SPDYE4: variants seen among roughly 807,000 people sequenced by gnomAD.
SPDYE4 encodes speedy/RINGO cell cycle regulator family member E4.
SPDYE4 carries 30 observed loss-of-function variants against 37.5 expected under a neutral mutation model. That is an observed-to-expected ratio of 0.80 (90% CI 0.60 to 1.09). The LOEUF (loss-of-function observed/expected upper bound fraction) is 1.09, where lower values mean the gene tolerates loss of function less well. SPDYE4 is among the 50% of genes least tolerant of loss of function. SPDYE4 has a pLI of 0.00. For synonymous variants in SPDYE4, 131 were observed against 120.3 expected, an observed-to-expected ratio of 1.09 and a Z score of -0.58; for missense variants, 300 against 307.9, an observed-to-expected ratio of 0.97 and a Z score of 0.19.
At chr17:8,748,565 G>A (rs1404132978), downstream of SPDYE4, among the ~76,000 whole-genome samples, 1 of 152,184 alleles carries the variant, frequency 6.6e-6, no homozygotes, top group Non-Finnish European at 1.5e-5. Flanking sequence ...CAGTCTATGA[G>A]AATTTGTTAG....
chr17:8,757,568 A>C, intron 1 of SPDYE4, 76 bp from the exon 2 acceptor site: 1 of 1,438,024 alleles, frequency 7.0e-7, no homozygotes, highest in Non-Finnish European at 9.5e-7. Context: ...AGGAACCTCA[A>C]ACTACTCTTC....
At chr17:8,750,537 C>T (rs907112749), downstream of SPDYE4, among the ~76,000 whole-genome samples, 2 of 152,148 alleles carry the variant, frequency 1.3e-5, no homozygotes, top group Non-Finnish European at 2.9e-5. Context: ...GGTGAAACCC[C>T]GTTTCTGCTA....
intron 6 of SPDYE4, 97 bp downstream of exon 6, chr17:8,752,997 T>A: frequency 2.7e-6 from 3 of 1,100,958 alleles, no homozygotes; most frequent in Non-Finnish European, 1.3e-6. Flanking sequence ...GGTGTCGCCA[T>A]GTTGACCAGG....
chr17:8,754,328 T>C (rs1489169976), intron 4 of SPDYE4, among the ~76,000 whole-genome samples: 2 of 152,202 alleles, frequency 1.3e-5, no homozygotes, highest in Non-Finnish European at 2.9e-5. Context: ...CTCATGTCTA[T>C]AATACCAGCA....
chr17:8,755,722 A>T (rs1312617467), intron 3 of SPDYE4, 117 bp from the exon 4 acceptor site: 2 of 1,291,580 alleles, frequency 1.5e-6, no homozygotes, highest in South Asian at 1.3e-5. Flanking sequence ...AAGGAACCTC[A>T]GTGTTGGGTG....
At position 8,753,387 on chromosome 17, in the gene SPDYE4, C is replaced by T. The variant is rs1319957240; in HGVS notation, c.588G>A (p.Lys196=). 8 of 1,594,000 alleles carry T rather than the reference C, an allele frequency of 5.0e-6. No individual in the cohort carries two copies. Among genetic ancestry groups the T allele is most frequent in the Admixed American group, 3.6e-5 (2 of 55,550 alleles). The change falls in exon 5 of 7, where the codon AAG becomes AAA. Residue 196 remains lysine (K), a synonymous_variant. Coordinates refer to ENST00000689094, the MANE Select transcript of SPDYE4 (RefSeq NM_001394956.1). ...TGGAACAGAGGAGCTGGTATCGAAG[C>T]TTATGGAACAAGGGTCGCTGGGAGT... The part of the protein sequence containing the change: ...KNYSQRPLFH[K]LRYQLLCSMR...
chr17:8,753,404 G>T lies in SPDYE4; in HGVS notation c.571C>A (p.Arg191=), dbSNP rs769602268. Residue 191 remains arginine, a synonymous_variant, in exon 5 of 7, where the codon CGA becomes AGA. Transcript: ENST00000689094. ...TATCGAAGCTTATGGAACAAGGGTC[G>T]CTGGGAGTAGTTCTTCCCGTAGAGG... is the stretch of plus-strand genomic sequence containing the variant. ...SFLYGKNYSQ[R]PLFHKLRYQL... 17 of 1,601,380 alleles carry T rather than the reference G, an allele frequency of 1.1e-5. No individual in the cohort carries two copies. In the South Asian group the frequency reaches 1.7e-4, roughly 16 times the overall value.
downstream of SPDYE4, among the ~76,000 whole-genome samples, chr17:8,748,313 A>G (rs530583671): frequency 1.9e-3 from 295 of 152,380 alleles, no homozygotes; most frequent in Admixed American, 4.5e-3. Flanking sequence ...GCTCTCTGCC[A>G]TGTGAGGGAG....
At chr17:8,758,187 CTCAGGTGCT>C in intron 1 of SPDYE4, 78 bp downstream of exon 1, 4 of 1,153,152 alleles carry the variant, frequency 3.5e-6, no homozygotes, top group Non-Finnish European at 4.9e-6. Context: ...ACACACCCTA[CTCAGGTGCT>C]TCAGATTCCC....
downstream of SPDYE4, among the ~76,000 whole-genome samples, chr17:8,749,556 G>A (rs560243787): frequency 3.9e-5 from 6 of 151,976 alleles, no homozygotes; most frequent in East Asian, 7.8e-4. Context: ...TTGAGCCACC[G>A]TGCCAGGCCC....
Position 8,752,159 on chromosome 17 carries a change from C to T in SPDYE4, c.*123G>A, listed in dbSNP as rs1187070179. On this transcript the variant is annotated 3_prime_UTR_variant, in exon 7 of 7. Transcript: ENST00000689094. ...TAGATGATCTGCACAGGAGGCTCCT[C>T]TCTCCCTTCCTGGTGTCTGGCATTA... Among the ~76,000 whole-genome samples, 3 of 152,188 alleles carry T rather than the reference C, an allele frequency of 2.0e-5. No individual in the cohort carries two copies. The highest frequency in any genetic ancestry group is 2.0e-4 in the Admixed American group (3 of 15,272).
At chr17:8,757,890 C>T (rs896278171) in intron 1 of SPDYE4, among the ~76,000 whole-genome samples, 2 of 151,630 alleles carry the variant, frequency 1.3e-5, no homozygotes, top group African/African-American at 4.9e-5. Context: ...TCAAATGATT[C>T]TCCTGCCTCA....
At chr17:8,749,211 G>C (rs751783330), downstream of SPDYE4, among the ~76,000 whole-genome samples, 74 of 150,710 alleles carry the variant, frequency 4.9e-4, no homozygotes, top group Admixed American at 4.6e-4. Context: ...TCCCACCTCA[G>C]CCTCCTGGGT....
chr17:8,749,908 A>C (rs1307117170), downstream of SPDYE4, among the ~76,000 whole-genome samples: 1 of 152,192 alleles, frequency 6.6e-6, no homozygotes, highest in Non-Finnish European at 1.5e-5. Flanking sequence ...TCACGGTTCC[A>C]TGTGCTGGAA....
chr17:8,753,113 C>T lies in SPDYE4; in HGVS notation c.*25G>A, dbSNP rs2086740466. On this transcript the variant is annotated 3_prime_UTR_variant, in exon 6 of 7. Coordinates refer to ENST00000689094, the MANE Select transcript of SPDYE4 (RefSeq NM_001394956.1). ...ACGTACCTTCCCTCAGGCCGATGACCTCAGGCCTCCATGTCCCCGGAGCTC... is the reference window on the plus strand; with the variant it reads ...ACGTACCTTCCCTCAGGCCGATGACTTCAGGCCTCCATGTCCCCGGAGCTC... The T allele has an allele frequency of 6.2e-7, 1 of 1,613,802 alleles. No individual in the cohort carries two copies. The highest frequency in any genetic ancestry group is 8.5e-7 in the Non-Finnish European group (1 of 1,179,946).
chr17:8,753,894 C>G (rs1337841732), intron 4 of SPDYE4, among the ~76,000 whole-genome samples: 1 of 152,168 alleles, frequency 6.6e-6, no homozygotes, highest in East Asian at 1.9e-4. Context: ...TCACCTCATC[C>G]TAGTCCCCAT....
intron 3 of SPDYE4, 124 bp from the exon 4 acceptor site, chr17:8,755,729 G>T: frequency 8.0e-7 from 1 of 1,249,888 alleles, no homozygotes; most frequent in South Asian, 1.3e-5. Flanking sequence ...CTCAGTGTTG[G>T]GTGACTATGC....
rs1442270456 is a variant in SPDYE4, at chr17:8,757,453, C to T, written c.149G>A (p.Gly50Asp). ...IDPSPQPQSLGLKRKSEWSDE... is the reference protein window; with the variant it reads ...IDPSPQPQSLDLKRKSEWSDE... ...TGACCATTCGCTCTTCCTTTTCAGG[C>T]CAAGGGATTGAGGCTGGGGGCTGGG... The change falls in exon 2 of 7, where the codon GGC (glycine) becomes GAC (aspartate). Residue 50 changes from glycine to aspartate, a missense_variant. Physicochemically the swap from Gly to Asp is moderately conservative, Grantham distance 94. Coordinates refer to ENST00000689094, the MANE Select transcript of SPDYE4 (RefSeq NM_001394956.1). 3 of 1,604,558 alleles carry T rather than the reference C, an allele frequency of 1.9e-6. No individual in the cohort carries two copies. The East Asian group carries it at 6.7e-5, about 36-fold the overall frequency.
downstream of SPDYE4, among the ~76,000 whole-genome samples, chr17:8,747,708 A>C (rs1284768410): frequency 2.0e-5 from 3 of 152,180 alleles, no homozygotes; most frequent in African/African-American, 7.2e-5. Flanking sequence ...AAGACTTTAC[A>C]AGTCTAATTT....
Sources: gnomAD v4.1 joint callset for allele counts (sites outside exome capture counted in the v4.1 genomes callset) on GRCh38, gnomAD v4.1.1 for gene constraint, MANE v1.5 for transcripts, NCBI Gene and HGNC (gene_info 2026-07-23, HGNC 2026-07-21) for gene names.